NWD1: variants seen among roughly 807,000 people sequenced by gnomAD.
NWD1 encodes the protein NACHT and WD repeat domain containing 1.
In NWD1, 129 loss-of-function variants were observed where a neutral mutation model predicts 135.1. The observed-to-expected ratio is 0.96, with a 90% confidence interval of 0.83 to 1.11. NWD1 has a LOEUF of 1.11. Ranked by LOEUF, NWD1 falls within the 50% of genes least tolerant of loss-of-function variation. The pLI is 0.00. For synonymous variants in NWD1, 773 were observed against 786.0 expected, an observed-to-expected ratio of 0.98 and a Z score of 0.28; for missense variants, 1,740 against 1,851.3, an observed-to-expected ratio of 0.94 and a Z score of 1.10.
At position 16,794,558 on chromosome 19, in the gene NWD1, C is replaced by CT; in HGVS notation, c.3304+5_3304+6insT. 6.3e-7 allele frequency: 1 copy of CT among 1,581,796 alleles called. No homozygotes were observed. The highest frequency in any genetic ancestry group is 8.7e-7 in the Non-Finnish European group (1 of 1,155,918). On this transcript the variant is annotated splice_donor_region_variant and intron_variant, in intron 15 of 18. Coordinates refer to ENST00000524140, the MANE Select transcript of NWD1 (RefSeq NM_001007525.5). ...ATGAGTCCCTCCTCGCCGCAGGTAG[C>CT]GTTTAGCTCTCATTTGGAGTAGTGA...
rs745611487 is a variant in NWD1 at position 16,749,977 on chromosome 19, C to T, written c.1335C>T (p.Val445=). The change falls in exon 6 of 19, where the codon GTC becomes GTT. Residue 445 remains valine, a synonymous_variant. Transcript: ENST00000524140. ...ATGCTATGGATGACCTGGACTCTGT[C>T]CGCCATGCTCGGAGGGTTCCCTGGC... The part of the protein sequence containing the change: ...LLDAMDDLDS[V]RHARRVPWLP... 9.3e-6 allele frequency: 15 copies of T among 1,613,740 alleles called. No homozygotes were observed. The Admixed American group carries it at 2.2e-4, about 23-fold the overall frequency.
chr19:16,744,809 C>A, intron 5 of NWD1, 91 bp downstream of exon 5: 2 of 1,141,100 alleles, frequency 1.8e-6, no homozygotes, highest in Non-Finnish European at 2.5e-6. Flanking sequence ...ATGCAACAGT[C>A]TGCATTTCTT....
intron 5 of NWD1, among the ~76,000 whole-genome samples, chr19:16,747,043 T>C (rs916344441): frequency 3.3e-5 from 5 of 150,558 alleles, no homozygotes; most frequent in Admixed American, 6.6e-5. Context: ...TTCTTTCTTT[T>C]TTTTTTTTTT....
At chr19:16,720,475 G>A (rs1166569091) in intron 1 of NWD1, among the ~76,000 whole-genome samples, 182 bp downstream of exon 1, 1 of 152,172 alleles carries the variant, frequency 6.6e-6, no homozygotes, top group African/African-American at 2.4e-5. Context: ...AGGCCCTGAG[G>A]TTGAAATAAG....
At chr19:16,789,878 C>T (rs1970184168) in intron 13 of NWD1, among the ~76,000 whole-genome samples, 1 of 152,052 alleles carries the variant, frequency 6.6e-6, no homozygotes, top group Admixed American at 6.6e-5. Flanking sequence ...CCACCACGCC[C>T]AGCTAATTTT....
At chr19:16,799,122 C>A (rs1040986195) in intron 16 of NWD1, among the ~76,000 whole-genome samples, 1 of 151,980 alleles carries the variant, frequency 6.6e-6, no homozygotes, top group Non-Finnish European at 1.5e-5. Flanking sequence ...GATGTGAAGG[C>A]CCTTGAACTT....
intron 7 of NWD1, among the ~76,000 whole-genome samples, chr19:16,761,348 T>C (rs79538829): frequency 0.043 from 6,400 of 147,878 alleles, 447 homozygotes; most frequent in African/African-American, 0.16. Context: ...TTCCCTTTCT[T>C]TCTCTTTCTT....
chr19:16,795,031 C>A (rs1166778523), intron 15 of NWD1, among the ~76,000 whole-genome samples: 1 of 152,196 alleles, frequency 6.6e-6, no homozygotes, highest in African/African-American at 2.4e-5. Flanking sequence ...ATTCGCCCAC[C>A]TTAGCCTCCC....
chr19:16,798,984 A>G (rs943182302), intron 16 of NWD1, among the ~76,000 whole-genome samples: 4 of 151,036 alleles, frequency 2.6e-5, no homozygotes, highest in Non-Finnish European at 4.4e-5. Flanking sequence ...AGACCCTCTA[A>G]AAAAGGTTTA....
rs371330107 is a variant in NWD1, at chr19:16,791,627, G to A, written c.3213+5G>A. ...AGCAATGGCTCCATCTCTTTGGTAA[G>A]CACCTTTACTGACTATGATGTGAAC... is the stretch of plus-strand genomic sequence containing the variant. On this transcript the variant is annotated splice_donor_5th_base_variant and intron_variant, in intron 14 of 18. Coordinates refer to ENST00000524140, the MANE Select transcript of NWD1 (RefSeq NM_001007525.5). 6.2e-7 allele frequency: 1 copy of A among 1,613,740 alleles called. No individual in the cohort carries two copies. The highest frequency in any genetic ancestry group is 8.5e-7 in the Non-Finnish European group (1 of 1,179,720).
chr19:16,734,151 G>C (rs1350311861), intron 3 of NWD1, among the ~76,000 whole-genome samples: 1 of 152,088 alleles, frequency 6.6e-6, no homozygotes, highest in African/African-American at 2.4e-5. Flanking sequence ...TCCAGTGCTG[G>C]CCAAACTAAA....
chr19:16,753,717 A>T (rs1426220917), intron 6 of NWD1, among the ~76,000 whole-genome samples: 1 of 152,092 alleles, frequency 6.6e-6, no homozygotes, highest in African/African-American at 2.4e-5. Context: ...TTAGAGAATG[A>T]TCCAGCCCCA....
chr19:16,759,855 G>C (rs933166518), intron 7 of NWD1, among the ~76,000 whole-genome samples: 1 of 152,006 alleles, frequency 6.6e-6, no homozygotes, highest in African/African-American at 2.4e-5. Context: ...TTAGCCAGAC[G>C]CGGTGGCACG....
chr19:16,752,958 A>G (rs1968638549), intron 6 of NWD1, among the ~76,000 whole-genome samples: 1 of 152,180 alleles, frequency 6.6e-6, no homozygotes, highest in African/African-American at 2.4e-5. Flanking sequence ...TGATCATGCC[A>G]CTGCACTCCA....
At chr19:16,785,768 AAAC>A (rs1459048872) in intron 12 of NWD1, among the ~76,000 whole-genome samples, 5 of 146,968 alleles carry the variant, frequency 3.4e-5, no homozygotes, top group African/African-American at 5.1e-5. Context: ...ATATATACAA[AAAC>A]AAATATATAC....
At chr19:16,765,630 G>A (rs974349313) in intron 10 of NWD1, among the ~76,000 whole-genome samples, 20 of 152,096 alleles carry the variant, frequency 1.3e-4, no homozygotes, top group African/African-American at 2.7e-4. Context: ...GAGCCATGGC[G>A]CCTGGCCTAG....
At chr19:16,734,920 T>A (rs1487021960) in intron 3 of NWD1, among the ~76,000 whole-genome samples, 1 of 151,960 alleles carries the variant, frequency 6.6e-6, no homozygotes, top group African/African-American at 2.4e-5. Context: ...TTAACTTGCT[T>A]TTTTATTTCT....
At position 16,762,053 on chromosome 19, in the gene NWD1, ACTT is replaced by A. The variant is rs761335866; in HGVS notation, c.2054_2056del (p.Phe685del). 74 of 1,613,878 alleles carry A rather than the reference ACTT, an allele frequency of 4.6e-5. No individual in the cohort carries two copies. Among genetic ancestry groups the A allele is most frequent in the Non-Finnish European group, 5.6e-5 (66 of 1,179,976 alleles). On this transcript the variant is annotated inframe_deletion, in exon 8 of 19. Coordinates refer to ENST00000524140, the MANE Select transcript of NWD1 (RefSeq NM_001007525.5). ...GCCAAGAGGCATGGCGTCCTGGCCG[ACTT>A]CTTCTCAGGGACCTGGAGCCAGGGT... is the stretch of plus-strand genomic sequence containing the variant.
intron 15 of NWD1, 48 bp from the exon 16 acceptor site, chr19:16,797,684 A>AAT (rs775447122): frequency 1.7e-5 from 26 of 1,557,822 alleles, no homozygotes; most frequent in Non-Finnish European, 2.3e-5. Flanking sequence ...AATGACCCTC[A>AAT]ATCTCCTCTG....
Sources: gnomAD v4.1 joint callset for allele counts (sites outside exome capture counted in the v4.1 genomes callset) on GRCh38, gnomAD v4.1.1 for gene constraint, MANE v1.5 for transcripts, NCBI Gene and HGNC (gene_info 2026-07-23, HGNC 2026-07-21) for gene names.